CCDC146: variants seen among roughly 807,000 people sequenced by gnomAD.
CCDC146 encodes the protein coiled-coil domain-containing protein 146.
Under a neutral mutation model 119.3 loss-of-function variants are expected in CCDC146, and 92 were observed. The ratio of observed to expected loss-of-function variants is 0.77; its 90% CI spans 0.65 to 0.92. The LOEUF (loss-of-function observed/expected upper bound fraction) is 0.92. CCDC146 is among the 40% of genes least tolerant of loss of function. CCDC146 has a pLI of 0.00. For missense variants in CCDC146, 1,000 were observed against 1,103.0 expected (o/e 0.91, Z 1.32); for synonymous variants, 372 against 371.8 (o/e 1.00, Z -0.01).
intron 17 of CCDC146, among the ~76,000 whole-genome samples, chr7:77,288,714 G>A (rs959106260): frequency 2.0e-5 from 3 of 152,160 alleles, no homozygotes; most frequent in Admixed American, 2.0e-4. Flanking sequence ...AAAGAGGAAG[G>A]GACACATTGT....
intron 12 of CCDC146, 25 bp from the exon 13 acceptor site, chr7:77,278,912 C>T (rs765839405): frequency 2.5e-6 from 4 of 1,603,086 alleles, no homozygotes; most frequent in Non-Finnish European, 2.6e-6. Flanking sequence ...TCATAAGTTT[C>T]AGTAAACACT....
chr7:77,215,022 CTTAT>C (rs1792269841), intron 2 of CCDC146, among the ~76,000 whole-genome samples: 1 of 152,038 alleles, frequency 6.6e-6, no homozygotes, highest in African/African-American at 2.4e-5. Context: ...TTTCTCTTCA[CTTAT>C]TTATTAGAAT....
chr7:77,241,428 T>G (rs1792846584), intron 3 of CCDC146, among the ~76,000 whole-genome samples: 1 of 44,924 alleles, frequency 2.2e-5, no homozygotes, highest in African/African-American at 4.2e-5. Flanking sequence ...TTTCTCATAT[T>G]TAGGCCAGAG....
chr7:77,134,551 G>GTGTGTGTGTC (rs1554345530), intron 1 of CCDC146, among the ~76,000 whole-genome samples: 1 of 114,084 alleles, frequency 8.8e-6, no homozygotes, highest in East Asian at 2.3e-4. Context: ...CTGTGTGTGT[G>GTGTGTGTGTC]TGTGTGTGTG....
chr7:77,280,928 C>A (rs1168487484), intron 14 of CCDC146, among the ~76,000 whole-genome samples: 1 of 152,008 alleles, frequency 6.6e-6, no homozygotes, highest in Admixed American at 6.6e-5. Context: ...AGGGTGAAAC[C>A]CCATCCCTAC....
intron 1 of CCDC146, among the ~76,000 whole-genome samples, chr7:77,152,990 C>A (rs1334507599): frequency 2.0e-5 from 3 of 152,204 alleles, no homozygotes; most frequent in Non-Finnish European, 2.9e-5. Context: ...AGGTTGCATA[C>A]TTTGCCCAAC....
At chr7:77,150,672 G>A (rs930306455) in intron 1 of CCDC146, among the ~76,000 whole-genome samples, 3 of 152,082 alleles carry the variant, frequency 2.0e-5, no homozygotes, top group Non-Finnish European at 2.9e-5. Context: ...TTAAATATAT[G>A]TTTAGATTAT....
At chr7:77,263,983 C>CCTATATAGT (rs1793352411) in intron 9 of CCDC146, among the ~76,000 whole-genome samples, 1 of 152,118 alleles carries the variant, frequency 6.6e-6, no homozygotes, top group African/African-American at 2.4e-5. Flanking sequence ...TAGTCTTTTG[C>CCTATATAGT]AAAACCAATA....
intron 3 of CCDC146, among the ~76,000 whole-genome samples, chr7:77,239,788 A>C (rs923176824): frequency 3.3e-5 from 5 of 152,212 alleles, no homozygotes; most frequent in Non-Finnish European, 5.9e-5. Flanking sequence ...GCTAGCTTGC[A>C]GCATAGAGGA....
At position 77,292,301 on chromosome 7, in the gene CCDC146, A is replaced by ATTT. The variant is rs35258178; in HGVS notation, c.2416-634_2416-632dup. Among the ~76,000 whole-genome samples, 284 of 132,650 alleles carry ATTT rather than the reference A, an allele frequency of 2.1e-3. 1 individual carries two copies. The highest frequency in any genetic ancestry group is 7.1e-3 in the African/African-American group (248 of 34,856). 87.0% of individuals were successfully genotyped at this position (132,650 alleles called of 152,430 possible). ...AGAACAAGACCTTGTCTTTATTTTA[A>ATTT]TTTTTTTTTTTTTTTTTTTAAAGAA... On this transcript the variant is annotated intron_variant, in intron 17 of 18. Transcript: ENST00000285871.
intron 1 of CCDC146, among the ~76,000 whole-genome samples, chr7:77,151,573 C>T (rs1791109132): frequency 1.3e-5 from 2 of 152,112 alleles, no homozygotes; most frequent in South Asian, 4.1e-4. Flanking sequence ...GAATTGTACA[C>T]TTAAACTTGT....
intron 1 of CCDC146, among the ~76,000 whole-genome samples, chr7:77,138,302 AAAG>A (rs1188154319): frequency 6.6e-6 from 1 of 150,910 alleles, no homozygotes; most frequent in Non-Finnish European, 1.5e-5. Context: ...AAAAAAAAAA[AAAG>A]AGGTATTGGA....
At position 77,280,606 on chromosome 7, in the gene CCDC146, G is replaced by A. The variant is rs750171444; in HGVS notation, c.1872G>A (p.Val624=). 6 of 1,613,864 alleles carry A rather than the reference G, an allele frequency of 3.7e-6. 1 individual carries two copies. The highest frequency in any genetic ancestry group is 1.6e-4 in the Middle Eastern group (1 of 6,084). ...TCACAATGATCGAAGAGGAGATGGT[G>A]CAGCTTCGCAAAAGATACGAAAAAG... ...NTITMIEEEM[V]QLRKRYEKAV... Residue 624 remains valine (V), a synonymous_variant, in exon 14 of 19, where the codon GTG becomes GTA. Transcript: ENST00000285871.
At chr7:77,140,273 A>T (rs550957378) in intron 1 of CCDC146, among the ~76,000 whole-genome samples, 5 of 152,106 alleles carry the variant, frequency 3.3e-5, no homozygotes, top group Non-Finnish European at 7.3e-5. Context: ...TGTACAGAAT[A>T]TGTAATAATT....
At chr7:77,287,024 C>A in intron 16 of CCDC146, 98 bp downstream of exon 16, 2 of 1,296,772 alleles carry the variant, frequency 1.5e-6, no homozygotes, top group South Asian at 1.3e-5. Flanking sequence ...ACAGACCTAT[C>A]CTTCATTATT....
rs548610401 is a variant in CCDC146 at position 77,229,888 on chromosome 7, C to T, written c.157-7059C>T. 3.4e-3 allele frequency among the ~76,000 whole-genome samples: 524 copies of T among 152,218 alleles called. 3 individuals carry two copies. The highest frequency in any genetic ancestry group is 0.012 in the African/African-American group (499 of 41,544). On this transcript the variant is annotated intron_variant, in intron 2 of 18. Transcript: ENST00000285871. ...TATATACAGAGTTGTATAATCATGG[C>T]ATAATTGTAGAATATTTCCGTGACA... is the stretch of plus-strand genomic sequence containing the variant.
intron 4 of CCDC146, among the ~76,000 whole-genome samples, chr7:77,243,182 T>C (rs960422865): frequency 6.6e-6 from 1 of 152,186 alleles, no homozygotes; most frequent in African/African-American, 2.4e-5. Context: ...TTGTTTAAAA[T>C]TTCCAACTGT....
At chr7:77,164,433 A>T (rs1791311986) in intron 1 of CCDC146, among the ~76,000 whole-genome samples, 2 of 152,350 alleles carry the variant, frequency 1.3e-5, no homozygotes, top group South Asian at 4.1e-4. Context: ...TAGGGCATTG[A>T]AAAAAGCAAA....
intron 1 of CCDC146, among the ~76,000 whole-genome samples, chr7:77,130,105 CAT>C (rs1226095176): frequency 6.6e-6 from 1 of 152,110 alleles, no homozygotes; most frequent in Non-Finnish European, 1.5e-5. Context: ...ATAAAAAAAT[CAT>C]ATGCTGAGGT....
Sources: gnomAD v4.1 joint callset for allele counts (sites outside exome capture counted in the v4.1 genomes callset) on GRCh38, gnomAD v4.1.1 for gene constraint, MANE v1.5 for transcripts, NCBI Gene and HGNC (gene_info 2026-07-23, HGNC 2026-07-21) for gene names.